Variants in EVI2B observed in about 807,000 individuals in gnomAD.
EVI2B encodes protein EVI2B.
Under a neutral mutation model 6.6 loss-of-function variants are expected in EVI2B, and 4 were observed. The observed-to-expected ratio is 0.61, with a 90% CI of 0.30 to 1.39. EVI2B has a LOEUF of 1.39. Ranked by LOEUF, EVI2B falls within the 40% of genes most tolerant of loss-of-function variation. EVI2B has a pLI of 0.08. For missense variants in EVI2B, 484 were observed against 516.6 expected (o/e 0.94, Z 0.61); for synonymous variants, 181 against 186.8 (o/e 0.97, Z 0.25).
chr17:31,308,986 G>A (rs1043728838), intron 1 of EVI2B, among the ~76,000 whole-genome samples: 2 of 152,206 alleles, frequency 1.3e-5, no homozygotes, highest in Non-Finnish European at 2.9e-5. Context: ...AGCATATTAT[G>A]TGTTGTACTA....
chr17:31,304,942 A>G lies in EVI2B; in HGVS notation c.668T>C (p.Val223Ala), dbSNP rs766831814. Residue 223 changes from valine (V) to alanine (A), a missense_variant, in exon 2 of 2, where the codon GTA (valine) becomes GCA (alanine). Coordinates refer to ENST00000330927, the MANE Select transcript of EVI2B (RefSeq NM_006495.4). ...TSMLVAIIII[V>A]LWKCLRKPVL... ...TGGTTTCCTTAAGCATTTCCAAAGT[A>G]CAATGATGATTATAGCTACCAACAT... 6.2e-7 allele frequency: 1 copy of G among 1,614,186 alleles called. No homozygotes were observed. Among genetic ancestry groups the G allele is most frequent in the Non-Finnish European group, 8.5e-7 (1 of 1,180,038 alleles).
chr17:31,309,517 G>T (rs1356588495), intron 1 of EVI2B, among the ~76,000 whole-genome samples: 1 of 152,108 alleles, frequency 6.6e-6, no homozygotes, highest in Non-Finnish European at 1.5e-5. Context: ...AAAAAGGCGG[G>T]GGGACTTCTT....
At chr17:31,307,894 G>T (rs766071213) in intron 1 of EVI2B, 32 of 1,288,906 alleles carry the variant, frequency 2.5e-5, no homozygotes, top group Non-Finnish European at 1.0e-5. Context: ...TACCTTTTCA[G>T]CATATCTAAA....
chr17:31,304,786 C>T lies in EVI2B; in HGVS notation c.824G>A (p.Trp275Ter). 5 of 1,613,978 alleles carry T rather than the reference C, an allele frequency of 3.1e-6. No homozygotes were observed. The highest frequency in any genetic ancestry group is 4.2e-6 in the Non-Finnish European group (5 of 1,179,996). ...TAAAAGTGTGCTTTTGCTTGGTTTC[C>T]AGGGTGTAAGTGAAATGATTGATGT... ...KRTSIISLTP[W>*]KPSKSTLLAD... is the part of the protein sequence containing the mutation. Residue 275 changes from tryptophan to a stop codon, truncating the protein, a stop_gained, in exon 2 of 2, where the codon TGG (tryptophan) becomes TAG (stop). Transcript: ENST00000330927. LOFTEE classifies it high-confidence loss of function.
intron 1 of EVI2B, among the ~76,000 whole-genome samples, chr17:31,310,250 A>T (rs2068833339): frequency 6.6e-6 from 1 of 152,218 alleles, no homozygotes; most frequent in African/African-American, 2.4e-5. Context: ...GAAATACAAA[A>T]TAACACAAAA....
chr17:31,305,850 A>G (rs565290323), intron 1 of EVI2B, among the ~76,000 whole-genome samples: 3 of 152,192 alleles, frequency 2.0e-5, no homozygotes, highest in South Asian at 2.1e-4. Flanking sequence ...CAGCATTTGG[A>G]CCTCATAAGC....
Position 31,305,343 on chromosome 17 carries a change from AG to A in EVI2B, c.266del (p.Ser89LeufsTer24). 1 of 1,614,136 alleles carries A rather than the reference AG, an allele frequency of 6.2e-7. No homozygotes were observed. The highest frequency in any genetic ancestry group is 8.5e-7 in the Non-Finnish European group (1 of 1,180,012). ...CAGAAGTATGTGCTTCTGGTTTTTC[AG>A]AAGAGGTATAGACAGCTGGTGTTGG... ...GQPTPAVYTS[S>X]EKPEAHTSAG... On this transcript the variant is annotated frameshift_variant, in exon 2 of 2. Coordinates refer to ENST00000330927, the MANE Select transcript of EVI2B (RefSeq NM_006495.4). LOFTEE classifies it low-confidence loss of function (END_TRUNC).
chr17:31,305,598 T>G lies in EVI2B; in HGVS notation c.12A>C (p.Lys4Asn). The change falls in exon 2 of 2, where the codon AAA becomes AAC. Residue 4 changes from lysine to asparagine, a missense_variant. Lys to Asn is a moderately conservative substitution (Grantham distance 94, BLOSUM62 0). Coordinates refer to ENST00000330927, the MANE Select transcript of EVI2B (RefSeq NM_006495.4). MDPKYFILILFCGH... is the reference protein window; with the variant it reads MDPNYFILILFCGH... ...CACAAAACAAAATTAAGATGAAATATTTGGGATCCATTTCAGAATATTTCC... is the reference window on the plus strand; with the variant it reads ...CACAAAACAAAATTAAGATGAAATAGTTGGGATCCATTTCAGAATATTTCC... The G allele has an allele frequency of 1.2e-6, 2 of 1,612,154 alleles. No homozygotes were observed. The highest frequency in any genetic ancestry group is 1.7e-6 in the Non-Finnish European group (2 of 1,178,928).
rs757288515 is a variant in EVI2B at position 31,304,271 on chromosome 17, G to A, written c.1339C>T (p.Leu447=). 4 of 1,607,282 alleles carry A rather than the reference G, an allele frequency of 2.5e-6. No individual in the cohort carries two copies. Among genetic ancestry groups the A allele is most frequent in the Non-Finnish European group, 3.4e-6 (4 of 1,177,120 alleles). ...NESLPPPPAE[L]L ...AAAGCAAGTTGTAATATTTATAACA[G>A]TTCTGCAGGTGGAGGTGGCAGGGAT... The change falls in exon 2 of 2, where the codon CTG becomes TTG. Residue 447 remains leucine, a synonymous_variant. Coordinates refer to ENST00000330927, the MANE Select transcript of EVI2B (RefSeq NM_006495.4).
In EVI2B at chr17:31,305,555, ATGTAT is replaced by A. The variant is rs1353441710; in HGVS notation, c.50_54del (p.Asn17IlefsTer29). On this transcript the variant is annotated frameshift_variant, in exon 2 of 2. Transcript: ENST00000330927. LOFTEE classifies it low-confidence loss of function (END_TRUNC). ...GTAATTGTCTCTGTCTTTGAAAAAA[ATGTAT>A]TGTTCAGGTGTCCACAAAACAAAAT... 6.2e-7 allele frequency: 1 copy of A among 1,614,186 alleles called. No homozygotes were observed. The highest frequency in any genetic ancestry group is 1.1e-5 in the South Asian group (1 of 91,082).
intron 1 of EVI2B, among the ~76,000 whole-genome samples, chr17:31,306,929 C>T (rs1453711701): frequency 6.6e-6 from 1 of 151,846 alleles, no homozygotes; most frequent in Non-Finnish European, 1.5e-5. Context: ...ATGGGAGGAT[C>T]GTTTGAGGCC....
At chr17:31,306,234 T>TA (rs1471556925) in intron 1 of EVI2B, among the ~76,000 whole-genome samples, 2 of 152,282 alleles carry the variant, frequency 1.3e-5, no homozygotes, top group South Asian at 2.1e-4. Flanking sequence ...GGTTAATTGA[T>TA]ATTCTGTCCT....
At chr17:31,309,620 G>A (rs985797641) in intron 1 of EVI2B, among the ~76,000 whole-genome samples, 1 of 152,110 alleles carries the variant, frequency 6.6e-6, no homozygotes, top group African/African-American at 2.4e-5. Flanking sequence ...ATTGTCTTTA[G>A]CCAAAAATGT....
chr17:31,304,806 T>A lies in EVI2B; in HGVS notation c.804A>T (p.Ser268=). ...GTTTCCAGGGTGTAAGTGAAATGAT[T>A]GATGTACGTTTTGTGGATATTTCAT... is the stretch of plus-strand genomic sequence containing the variant. The part of the protein sequence containing the change: ...RENEISTKRT[S]IISLTPWKPS... Residue 268 remains serine, a synonymous_variant, in exon 2 of 2, where the codon TCA becomes TCT. Transcript: ENST00000330927. 6.2e-7 allele frequency: 1 copy of A among 1,614,002 alleles called. No individual in the cohort carries two copies.
chr17:31,305,073 C>A lies in EVI2B; in HGVS notation c.537G>T (p.Arg179Ser). 6.2e-7 allele frequency: 1 copy of A among 1,613,924 alleles called. No homozygotes were observed. The highest frequency in any genetic ancestry group is 8.5e-7 in the Non-Finnish European group (1 of 1,179,998). The change falls in exon 2 of 2, where the codon AGG (arginine) becomes AGT (serine). Residue 179 changes from arginine (R) to serine (S), a missense_variant. Coordinates refer to ENST00000330927, the MANE Select transcript of EVI2B (RefSeq NM_006495.4). ...QPTSTVKNSP[R>S]STPGFILDTT... ...TATCTAAGATAAATCCTGGTGTACT[C>A]CTAGGTGAATTTTTGACAGTTGATG...
rs770465192 is a variant in EVI2B, at chr17:31,305,182, A to T, written c.428T>A (p.Val143Asp). ...TSTTQPPKSF[V>D]YTFTQQSSSV... ...TGATGATTGTTGAGTAAAAGTATAG[A>T]CAAATGACTTTGGTGGTTGTGTGGT... The change falls in exon 2 of 2, where the codon GTC becomes GAC. Residue 143 changes from valine to aspartate, a missense_variant. Val to Asp is a radical substitution (Grantham distance 152). Transcript: ENST00000330927. 6.2e-7 allele frequency: 1 copy of T among 1,614,118 alleles called. No homozygotes were observed. The highest frequency in any genetic ancestry group is 8.5e-7 in the Non-Finnish European group (1 of 1,180,022).
chr17:31,309,261 T>G (rs945371798), intron 1 of EVI2B, among the ~76,000 whole-genome samples: 1 of 152,242 alleles, frequency 6.6e-6, no homozygotes, highest in African/African-American at 2.4e-5. Context: ...AGGAGCACAG[T>G]AAACATTTAA....
intron 1 of EVI2B, among the ~76,000 whole-genome samples, chr17:31,310,434 G>A (rs970789499): frequency 1.3e-5 from 2 of 151,832 alleles, no homozygotes; most frequent in South Asian, 2.1e-4. Context: ...AGTTGGGGGT[G>A]GGGGGAGATG....
At position 31,303,872 on chromosome 17, in the gene EVI2B, C is replaced by G. The variant is rs187173865; in HGVS notation, c.*391G>C. ...AAAACTTGAAGCATATACTTAGTCT[C>G]TTATTCCTCTCCACCCTGGTCTTTG... On this transcript the variant is annotated 3_prime_UTR_variant, in exon 2 of 2. Transcript: ENST00000330927. The G allele has an allele frequency of 9.0e-3, 1,407 of 156,840 alleles. 19 individuals carry two copies. The highest frequency in any genetic ancestry group is 0.027 in the Middle Eastern group (8 of 296). The allele number at this position is 156,840 out of a possible 1,614,324, so 9.7% of individuals were successfully genotyped here.
Sources: gnomAD v4.1 joint callset for allele counts (sites outside exome capture counted in the v4.1 genomes callset) on GRCh38, gnomAD v4.1.1 for gene constraint, MANE v1.5 for transcripts, NCBI Gene and HGNC (gene_info 2026-07-23, HGNC 2026-07-21) for gene names.